C1orf159: variants seen among roughly 807,000 people sequenced by gnomAD.
C1orf159 encodes chromosome 1 open reading frame 159, also known as uncharacterized protein C1orf159.
In C1orf159, 19 loss-of-function variants were observed where a neutral mutation model predicts 25.6. The ratio of observed to expected loss-of-function variants is 0.74; its 90% CI spans 0.52 to 1.09. C1orf159 has a LOEUF of 1.09. C1orf159 is among the 50% of genes least tolerant of loss of function. The pLI is 0.00. For synonymous variants in C1orf159, 139 were observed against 124.7 expected, an observed-to-expected ratio of 1.12 and a Z score of -0.77; for missense variants, 274 against 290.6, an observed-to-expected ratio of 0.94 and a Z score of 0.42.
intron 1 of C1orf159, among the ~76,000 whole-genome samples, chr1:1,093,349 C>A (rs1342881480): frequency 6.6e-6 from 1 of 152,220 alleles, no homozygotes; most frequent in Non-Finnish European, 1.5e-5. Context: ...TCAACACTTT[C>A]ATCTGCTATT....
intron 1 of C1orf159, among the ~76,000 whole-genome samples, chr1:1,096,487 T>C (rs1376979122): frequency 6.6e-6 from 1 of 152,090 alleles, no homozygotes; most frequent in Non-Finnish European, 1.5e-5. Context: ...TTTTATTTTC[T>C]GAAAGAGTTT....
At position 1,089,154 on chromosome 1, in the gene C1orf159, G is replaced by A. The variant is rs113065888; in HGVS notation, c.148+1199C>T. On this transcript the variant is annotated intron_variant, in intron 4 of 9. Transcript: ENST00000421241. The surrounding 1 kb of genome is among the most constrained non-coding windows in gnomAD (Gnocchi z 7.5). ...GAAGCGTATCCAACACCGCAGGCCCGGCCCCTCCCCACGCGCGCCAGACGG... is the reference window on the plus strand; with the variant it reads ...GAAGCGTATCCAACACCGCAGGCCCAGCCCCTCCCCACGCGCGCCAGACGG... Among the ~76,000 whole-genome samples, 1,329 of 152,258 alleles carry A rather than the reference G, an allele frequency of 8.7e-3. 19 individuals carry two copies. Among genetic ancestry groups the A allele is most frequent in the African/African-American group, 0.03 (1,264 of 41,544 alleles).
intron 1 of C1orf159, among the ~76,000 whole-genome samples, chr1:1,109,890 C>T (rs1043871374): frequency 9.2e-5 from 14 of 152,160 alleles, no homozygotes; most frequent in Non-Finnish European, 1.5e-4. Context: ...AGAACCAGTC[C>T]GTGGCCAGTG....
chr1:1,091,657 T>C (rs1295881559), intron 2 of C1orf159, 92 bp from the exon 3 acceptor site: 1 of 383,776 alleles, frequency 2.6e-6, no homozygotes, highest in African/African-American at 4.5e-5. Context: ...CAAGAGATGT[T>C]GGGGGGGTGC....
intron 7 of C1orf159, chr1:1,085,322 G>A: frequency 2.5e-6 from 1 of 399,978 alleles, no homozygotes; most frequent in Non-Finnish European, 5.1e-6. Flanking sequence ...TGGACAACGA[G>A]GGCAGGCACC....
chr1:1,104,659 G>A (rs543713610), intron 1 of C1orf159, among the ~76,000 whole-genome samples: 3 of 152,332 alleles, frequency 2.0e-5, no homozygotes, highest in South Asian at 4.1e-4. Flanking sequence ...TCTGGACATG[G>A]TGGCTCACAC....
chr1:1,087,285 G>A lies in C1orf159; in HGVS notation c.245-81C>T. The A allele has an allele frequency of 7.1e-7, 1 of 1,400,174 alleles. No homozygotes were observed. The highest frequency in any genetic ancestry group is 9.6e-7 in the Non-Finnish European group (1 of 1,038,082). The allele number at this position is 1,400,174 out of a possible 1,614,324, so 86.7% of individuals were successfully genotyped here. A position where few individuals can be genotyped will look rare whatever the true frequency, so the allele number is the denominator to read the frequency against. On this transcript the variant is annotated intron_variant, in intron 5 of 9. Transcript: ENST00000421241. The surrounding 1 kb of genome is among the most constrained non-coding windows in gnomAD (Gnocchi z 8.3). ...CACGTGCACCCTGAAGGGATCTCAGGACGGAAATATGAAAGCGAGGGGCTG... is the reference window on the plus strand; with the variant it reads ...CACGTGCACCCTGAAGGGATCTCAGAACGGAAATATGAAAGCGAGGGGCTG...
intron 1 of C1orf159, among the ~76,000 whole-genome samples, chr1:1,111,326 A>C (rs1355549157): frequency 6.6e-6 from 1 of 150,822 alleles, no homozygotes; most frequent in Admixed American, 6.6e-5. Flanking sequence ...CCAGGAGTTC[A>C]AAACCAGCCC....
chr1:1,090,687 C>T (rs1181018657), intron 3 of C1orf159: 2 of 703,290 alleles, frequency 2.8e-6, no homozygotes, highest in African/African-American at 1.8e-5. Flanking sequence ...AGTAAACCAC[C>T]CCCAGGAGGC....
At chr1:1,103,571 G>A (rs1003385583) in intron 1 of C1orf159, among the ~76,000 whole-genome samples, 3 of 152,174 alleles carry the variant, frequency 2.0e-5, no homozygotes, top group African/African-American at 7.2e-5. Flanking sequence ...CAGGGTGCAC[G>A]CAGGGGTCAG....
chr1:1,083,038 G>C, intron 9 of C1orf159, 51 bp from the exon 10 acceptor site: 1 of 1,457,184 alleles, frequency 6.9e-7, no homozygotes, highest in Non-Finnish European at 9.4e-7. Flanking sequence ...GGACAGCAGG[G>C]ACAGTGCAGG....
chr1:1,102,662 G>C lies in C1orf159; in HGVS notation c.-135-10559C>G, dbSNP rs954053309. On this transcript the variant is annotated intron_variant, in intron 1 of 9. Transcript: ENST00000421241. ...AAAAAAAAAAAAATTGCCAGGCGTA[G>C]TGGTGGGCACCTGTAGTCCCAGCTA... 1.4e-4 allele frequency among the ~76,000 whole-genome samples: 20 copies of C among 143,010 alleles called. 1 individual carries two copies. The highest frequency in any genetic ancestry group is 1.1e-3 in the Admixed American group (16 of 14,160). The allele number at this position is 143,010 out of a possible 152,430, so 93.8% of individuals were successfully genotyped here. A position where few individuals can be genotyped will look rare whatever the true frequency, so the allele number is the denominator to read the frequency against.
intron 9 of C1orf159, 60 bp downstream of exon 9, chr1:1,084,293 C>G (rs1645793193): frequency 6.6e-7 from 1 of 1,519,934 alleles, no homozygotes; most frequent in Non-Finnish European, 8.8e-7. Flanking sequence ...ACCCACAGAG[C>G]ACCCTGGGAC....
rs989578255 is a variant in C1orf159 at position 1,087,566 on chromosome 1, G to A, written c.180C>T (p.Ser60=). Residue 60 remains serine (S), a synonymous_variant, in exon 5 of 10, where the codon AGC becomes AGT. Transcript: ENST00000421241. The surrounding 1 kb of genome is among the most constrained non-coding windows in gnomAD (Gnocchi z 8.3). ...GCYRRWNADG[S]ASCVRCGNGT... ...CGTTCCCACAGCGGACGCAGCTGGC[G>A]CTCCCGTCCGCGTTCCAGCGCCTGT... is the stretch of plus-strand genomic sequence containing the variant. 9.7e-6 allele frequency: 15 copies of A among 1,548,468 alleles called. No individual in the cohort carries two copies. The highest frequency in any genetic ancestry group is 1.7e-4 in the Middle Eastern group (1 of 6,008).
At chr1:1,097,753 T>A (rs982139702) in intron 1 of C1orf159, among the ~76,000 whole-genome samples, 6 of 152,042 alleles carry the variant, frequency 3.9e-5, no homozygotes, top group African/African-American at 1.4e-4. Flanking sequence ...AATTGACCAT[T>A]CTTAGTAGAG....
chr1:1,092,096 G>A lies in C1orf159; in HGVS notation c.-128C>T, dbSNP rs1361901932. The A allele has an allele frequency of 7.0e-6, 3 of 429,008 alleles. No homozygotes were observed. The highest frequency in any genetic ancestry group is 1.4e-4 in the East Asian group (2 of 14,090). 26.6% of individuals were successfully genotyped at this position (429,008 alleles called of 1,614,324 possible). The stretch of plus-strand genomic sequence containing the variant: ...GCTCAGCTGAGCCCTGCAGACCCCG[G>A]CCCAGTCCTGCAGATGAAGACAGCA... On this transcript the variant is annotated 5_prime_UTR_variant, in exon 2 of 10. Coordinates refer to ENST00000421241, the MANE Select transcript of C1orf159 (RefSeq NM_017891.5).
intron 1 of C1orf159, among the ~76,000 whole-genome samples, chr1:1,113,685 G>T (rs2100782369): frequency 6.6e-6 from 1 of 152,328 alleles, no homozygotes; most frequent in African/African-American, 2.4e-5. Flanking sequence ...TTTAGAGCAG[G>T]AATGAAAGGA....
chr1:1,094,946 C>A (rs1205336896), intron 1 of C1orf159, among the ~76,000 whole-genome samples: 1 of 152,176 alleles, frequency 6.6e-6, no homozygotes, highest in Non-Finnish European at 1.5e-5. Context: ...AGCGTCATTT[C>A]TTTCCTTATG....
At chr1:1,090,876 G>C (rs569812919) in intron 3 of C1orf159, 6 of 1,549,068 alleles carry the variant, frequency 3.9e-6, no homozygotes, top group Non-Finnish European at 3.5e-6. Context: ...TGGCACTTAC[G>C]GTGTGTGTGA....
Sources: allele counts gnomAD v4.1 joint callset (sites outside exome capture counted in the v4.1 genomes callset), GRCh38; gene constraint gnomAD v4.1.1; non-coding constraint Gnocchi (gnomAD v3.1); transcripts MANE v1.5; gene names NCBI Gene and HGNC (gene_info 2026-07-23, HGNC 2026-07-21).